SSH1: variants seen among roughly 807,000 people sequenced by gnomAD.
The protein encoded by SSH1 is slingshot protein phosphatase 1.
In SSH1, 43 loss-of-function variants were observed where a neutral mutation model predicts 79.7. That is an observed-to-expected ratio of 0.54 (90% CI 0.42 to 0.70). The LOEUF (loss-of-function observed/expected upper bound fraction) is 0.70. Among genes scored for constraint, SSH1 ranks in the 30% least tolerant of loss-of-function variants. The pLI is 0.00. For missense variants in SSH1, 1,206 were observed against 1,358.8 expected, an observed-to-expected ratio of 0.89 and a Z score of 1.77; for synonymous variants, 599 against 538.3, an observed-to-expected ratio of 1.11 and a Z score of -1.56.
At chr12:108,841,808 C>T (rs2038784012) in intron 2 of SSH1, among the ~76,000 whole-genome samples, 1 of 147,990 alleles carries the variant, frequency 6.8e-6, no homozygotes, top group African/African-American at 2.5e-5. Flanking sequence ...TCTCCATCCC[C>T]CCCCACAAAA....
rs1593049525 is a variant in SSH1, at chr12:108,807,420, T to G, written c.731+213A>C. On this transcript the variant is annotated intron_variant, in intron 8 of 14. Coordinates refer to ENST00000326495, the MANE Select transcript of SSH1 (RefSeq NM_018984.4). This position sits in a 1 kb window ranked among gnomAD's most constrained non-coding sequence, Gnocchi z 5.2. Reference sequence around the variant, plus strand: ...TGCATTCACCAAATTCATCAGTAATTTTTTTTTTTTTTTTCTTTTTTTTGC... The same window carrying G: ...TGCATTCACCAAATTCATCAGTAATGTTTTTTTTTTTTTTCTTTTTTTTGC... Among the ~76,000 whole-genome samples, 1 of 186 alleles carries G rather than the reference T, an allele frequency of 5.4e-3. No individual in the cohort carries two copies. Among genetic ancestry groups the G allele is most frequent in the South Asian group, 0.17 (1 of 6 alleles). 0.1% of individuals were successfully genotyped at this position (186 alleles called of 152,430 possible). A position where few individuals can be genotyped will look rare whatever the true frequency, so the allele number is the denominator to read the frequency against.
intron 2 of SSH1, among the ~76,000 whole-genome samples, chr12:108,825,707 C>G (rs1172734867): frequency 2.0e-5 from 3 of 152,156 alleles, no homozygotes; most frequent in Non-Finnish European, 4.4e-5. Flanking sequence ...CTGCAAGGTT[C>G]AAGTGTTGAG....
intron 2 of SSH1, among the ~76,000 whole-genome samples, chr12:108,843,052 G>C (rs1360582842): frequency 6.6e-6 from 1 of 152,060 alleles, no homozygotes; most frequent in Non-Finnish European, 1.5e-5. Context: ...TTTATTTACT[G>C]TCTTGTCTCC....
At chr12:108,837,847 C>T (rs958261743) in intron 2 of SSH1, among the ~76,000 whole-genome samples, 4 of 151,826 alleles carry the variant, frequency 2.6e-5, no homozygotes, top group Non-Finnish European at 5.9e-5. Flanking sequence ...GGGACGACCA[C>T]GGCTCACGCA....
At chr12:108,831,713 C>T (rs1053834159) in intron 2 of SSH1, among the ~76,000 whole-genome samples, 1 of 152,208 alleles carries the variant, frequency 6.6e-6, no homozygotes, top group African/African-American at 2.4e-5. Flanking sequence ...GATTATGCTA[C>T]ATGTACCTTA....
In SSH1 at chr12:108,833,180, G is replaced by T. The variant is rs1010876242; in HGVS notation, c.111-9819C>A. Among the ~76,000 whole-genome samples, 6 of 147,282 alleles carry T rather than the reference G, an allele frequency of 4.1e-5. No homozygotes were observed. In the East Asian group the frequency reaches 5.9e-4, roughly 14 times the overall value. ...TTTTTTTTTTTTTCTCCCTAAATAA[G>T]ACAGCAAGTGATGTGTCTTGGCTTG... On this transcript the variant is annotated intron_variant, in intron 2 of 14. Coordinates refer to ENST00000326495, the MANE Select transcript of SSH1 (RefSeq NM_018984.4).
In SSH1 at chr12:108,784,817, A is replaced by G. The variant is rs2036227058; in HGVS notation, c.*3171T>C. The G allele has an allele frequency of 6.6e-6, 1 of 152,198 alleles. No homozygotes were observed. The highest frequency in any genetic ancestry group is 2.1e-4 in the South Asian group (1 of 4,830). 9.4% of individuals were successfully genotyped at this position (152,198 alleles called of 1,614,324 possible). ...AAGATAAGATTCAGCTGTTTTTTAT[A>G]AAGAGTATCAAGCTGATTTAGAAAA... is the stretch of plus-strand genomic sequence containing the variant. On this transcript the variant is annotated 3_prime_UTR_variant, in exon 15 of 15. Transcript: ENST00000326495.
intron 2 of SSH1, chr12:108,837,058 C>A (rs1376010163): frequency 2.3e-6 from 1 of 432,974 alleles, no homozygotes; most frequent in Non-Finnish European, 4.8e-6. Flanking sequence ...TGGCAACACC[C>A]TATTCTCTAC....
intron 3 of SSH1, among the ~76,000 whole-genome samples, chr12:108,819,904 T>C (rs1442401934): frequency 6.6e-6 from 1 of 152,230 alleles, no homozygotes; most frequent in African/African-American, 2.4e-5. Flanking sequence ...TTTGTTCCTT[T>C]TGCAAAAGCA....
At chr12:108,800,701 T>C in intron 12 of SSH1, 79 bp downstream of exon 12, 1 of 1,578,012 alleles carries the variant, frequency 6.3e-7, no homozygotes, top group South Asian at 1.1e-5. Flanking sequence ...GACTTCTGCA[T>C]CTGCAGTCTC....
intron 2 of SSH1, among the ~76,000 whole-genome samples, chr12:108,848,601 C>T (rs891246108): frequency 2.2e-4 from 33 of 152,200 alleles, no homozygotes; most frequent in African/African-American, 6.5e-4. Flanking sequence ...AATTAACACA[C>T]GGATGTGAAT....
Position 108,780,312 on chromosome 12 carries a change from G to T in SSH1, c.*7676C>A, listed in dbSNP as rs1458927501. The T allele has an allele frequency of 6.6e-6, 1 of 152,170 alleles. No individual in the cohort carries two copies. The highest frequency in any genetic ancestry group is 1.5e-5 in the Non-Finnish European group (1 of 68,038). 9.4% of individuals were successfully genotyped at this position (152,170 alleles called of 1,614,324 possible). On this transcript the variant is annotated 3_prime_UTR_variant, in exon 15 of 15. Coordinates refer to ENST00000326495, the MANE Select transcript of SSH1 (RefSeq NM_018984.4). ...CACCTCCACTGTAGATGTGATCTGG[G>T]ATCGTGCCCAACCGCGAGACAGTTA...
intron 3 of SSH1, among the ~76,000 whole-genome samples, chr12:108,819,648 G>C (rs2038041733): frequency 6.6e-6 from 1 of 152,002 alleles, no homozygotes; most frequent in Non-Finnish European, 1.5e-5. Context: ...GGGCAACATG[G>C]CAAGACCCCA....
At chr12:108,827,621 T>C (rs1444232871) in intron 2 of SSH1, 1 of 1,170,866 alleles carries the variant, frequency 8.5e-7, no homozygotes, top group Non-Finnish European at 1.1e-6. Flanking sequence ...CTCTAATCAC[T>C]GCACTCCTAC....
chr12:108,807,658 C>T lies in SSH1; in HGVS notation c.706G>A (p.Asp236Asn), dbSNP rs539540027. ...TTGTCCACAAATAGCGCGGGGGAGT[C>T]GGGCCGCGTAGACTCCAGGTCCTGC... ...AMQDLESTRPDSPALFVDKPT... is the reference protein window; with the variant it reads ...AMQDLESTRPNSPALFVDKPT... The change falls in exon 8 of 15, where the codon GAC (aspartate) becomes AAC (asparagine). Residue 236 changes from aspartate (D) to asparagine (N), a missense_variant. By Grantham distance (23) the Asp-to-Asn change is conservative. Transcript: ENST00000326495. This position sits in a 1 kb window ranked among gnomAD's most constrained non-coding sequence, Gnocchi z 5.2. 6.8e-6 allele frequency: 11 copies of T among 1,612,796 alleles called. No individual in the cohort carries two copies. The highest frequency in any genetic ancestry group is 3.3e-5 in the South Asian group (3 of 90,990).
intron 4 of SSH1, among the ~76,000 whole-genome samples, chr12:108,817,872 C>A (rs1181198971): frequency 6.6e-6 from 1 of 152,068 alleles, no homozygotes; most frequent in East Asian, 1.9e-4. Context: ...TTATCATTCA[C>A]GAATGGTTCC....
chr12:108,825,822 T>C (rs2038289249), intron 2 of SSH1, among the ~76,000 whole-genome samples: 2 of 152,184 alleles, frequency 1.3e-5, no homozygotes, highest in African/African-American at 4.8e-5. Context: ...ATCTGGCCGA[T>C]CTCATTTCAC....
At chr12:108,828,465 C>T (rs1003406384) in intron 2 of SSH1, among the ~76,000 whole-genome samples, 2 of 152,192 alleles carry the variant, frequency 1.3e-5, no homozygotes, top group Non-Finnish European at 2.9e-5. Context: ...CGGTCACATC[C>T]GCTCATGCCT....
Position 108,788,840 on chromosome 12 carries a change from A to T in SSH1, c.2298T>A (p.Pro766=). The change falls in exon 15 of 15, where the codon CCT becomes CCA. Residue 766 remains proline, a synonymous_variant. Transcript: ENST00000326495. ...LLKNSHCDKN[P]PSTEVVIKEE... ...CCTTTATTACCACTTCTGTGCTGGG[A>T]GGGTTCTTATCACAGTGAGAATTCT... 6.2e-7 allele frequency: 1 copy of T among 1,614,146 alleles called. No individual in the cohort carries two copies. Among genetic ancestry groups the T allele is most frequent in the Non-Finnish European group, 8.5e-7 (1 of 1,180,024 alleles).
Sources: gnomAD v4.1 joint callset for allele counts (sites outside exome capture counted in the v4.1 genomes callset) on GRCh38, gnomAD v4.1.1 for gene constraint, Gnocchi (gnomAD v3.1) non-coding constraint, MANE v1.5 for transcripts, NCBI Gene and HGNC (gene_info 2026-07-23, HGNC 2026-07-21) for gene names.